Variants in TNIK observed in about 807,000 individuals in gnomAD.
The protein encoded by TNIK is TRAF2 and NCK-interacting protein kinase.
TNIK carries 49 observed loss-of-function variants against 191.3 expected under a neutral mutation model. The observed-to-expected ratio is 0.26, with a 90% CI of 0.20 to 0.32. The LOEUF (loss-of-function observed/expected upper bound fraction) is 0.32, where lower values mean the gene tolerates loss of function less well. TNIK is among the 10% of genes least tolerant of loss of function. TNIK has a pLI of 1.00. For missense variants in TNIK, 1,155 were observed against 1,702.3 expected (o/e 0.68, Z 5.66); for synonymous variants, 594 against 600.9 (o/e 0.99, Z 0.17).
At chr3:171,166,922 T>A (rs1734691304) in intron 10 of TNIK, among the ~76,000 whole-genome samples, 173 bp downstream of exon 10, 2 of 152,194 alleles carry the variant, frequency 1.3e-5, no homozygotes, top group South Asian at 4.1e-4. Context: ...AGATTCTACT[T>A]CAATAGTCTC....
At chr3:171,441,639 G>A (rs6801883) in intron 1 of TNIK, among the ~76,000 whole-genome samples, 59,083 of 152,048 alleles carry the variant, frequency 0.39, 12,501 homozygotes, top group East Asian at 0.9. Flanking sequence ...TTTCTGTGTG[G>A]ACCTATGTTT....
intron 6 of TNIK, among the ~76,000 whole-genome samples, chr3:171,190,344 G>GA (rs1324878889): frequency 6.6e-6 from 1 of 152,016 alleles, no homozygotes; most frequent in Non-Finnish European, 1.5e-5. Flanking sequence ...TATTTTAATG[G>GA]AAAAAAATTG....
At chr3:171,300,386 C>CAT (rs1265038333) in intron 2 of TNIK, among the ~76,000 whole-genome samples, 1 of 152,066 alleles carries the variant, frequency 6.6e-6, no homozygotes, top group Non-Finnish European at 1.5e-5. Flanking sequence ...ATCATCATGA[C>CAT]ATATCTTGAA....
At chr3:171,161,412 A>T in intron 10 of TNIK, 76 bp from the exon 11 acceptor site, 9 of 1,305,878 alleles carry the variant, frequency 6.9e-6, no homozygotes, top group Non-Finnish European at 9.6e-6. Context: ...TCTCTTATAT[A>T]TAAATAAATA....
intron 2 of TNIK, among the ~76,000 whole-genome samples, chr3:171,281,891 T>C (rs1047535966): frequency 7.9e-5 from 12 of 152,202 alleles, no homozygotes; most frequent in Non-Finnish European, 1.5e-4. Context: ...GCTGATGCCT[T>C]GAGTTAGCCT....
intron 18 of TNIK, among the ~76,000 whole-genome samples, chr3:171,113,356 A>G (rs1253767937): frequency 6.6e-6 from 1 of 152,190 alleles, no homozygotes; most frequent in East Asian, 1.9e-4. Flanking sequence ...CTGTAATCCC[A>G]TCACTTTGGG....
At chr3:171,357,646 T>C (rs1714309403) in intron 2 of TNIK, among the ~76,000 whole-genome samples, 1 of 151,006 alleles carries the variant, frequency 6.6e-6, no homozygotes, top group South Asian at 2.1e-4. Context: ...CAGTTTGGAA[T>C]AGGAGACAGC....
intron 2 of TNIK, among the ~76,000 whole-genome samples, chr3:171,338,086 C>T (rs978327615): frequency 1.1e-4 from 17 of 152,154 alleles, no homozygotes; most frequent in African/African-American, 2.9e-4. Context: ...ACCTATATTT[C>T]GGTAATTATA....
intron 15 of TNIK, among the ~76,000 whole-genome samples, chr3:171,135,103 T>C (rs948138184): frequency 1.3e-5 from 2 of 152,130 alleles, no homozygotes; most frequent in Admixed American, 1.3e-4. Flanking sequence ...AAAAAGAAAA[T>C]GGCATCCTTT....
chr3:171,312,200 T>A (rs1237064885), intron 2 of TNIK, among the ~76,000 whole-genome samples: 2 of 149,542 alleles, frequency 1.3e-5, no homozygotes. Context: ...TATAATAAGT[T>A]TAAAATATGG....
At chr3:171,219,938 C>T (rs1402167057) in intron 3 of TNIK, among the ~76,000 whole-genome samples, 1 of 152,146 alleles carries the variant, frequency 6.6e-6, no homozygotes, top group African/African-American at 2.4e-5. Flanking sequence ...AAGACACATG[C>T]ACATGTATGT....
chr3:171,388,037 CTAAT>C (rs1718967448), intron 1 of TNIK, among the ~76,000 whole-genome samples: 1 of 152,160 alleles, frequency 6.6e-6, no homozygotes, highest in South Asian at 2.1e-4. Flanking sequence ...TGCCAGTGAA[CTAAT>C]TGACTATTTA....
chr3:171,336,276 A>G (rs971593545), intron 2 of TNIK, among the ~76,000 whole-genome samples: 2 of 152,202 alleles, frequency 1.3e-5, no homozygotes, highest in East Asian at 1.9e-4. Context: ...CCATTTTCAC[A>G]CTAACTTAAG....
chr3:171,450,451 G>A (rs1024995051), intron 1 of TNIK, among the ~76,000 whole-genome samples: 8 of 152,202 alleles, frequency 5.3e-5, no homozygotes, highest in African/African-American at 1.9e-4. Context: ...TGGCAATCCA[G>A]TTGAGGGACG....
At chr3:171,351,515 T>G (rs1022086602) in intron 2 of TNIK, among the ~76,000 whole-genome samples, 3 of 152,180 alleles carry the variant, frequency 2.0e-5, no homozygotes, top group African/African-American at 7.2e-5. Flanking sequence ...AGGAAAAGAA[T>G]TCATTTATTC....
At chr3:171,141,738 G>A (rs1478910266) in intron 12 of TNIK, among the ~76,000 whole-genome samples, 1 of 152,214 alleles carries the variant, frequency 6.6e-6, no homozygotes, top group African/African-American at 2.4e-5. Context: ...TTTTGAGAGA[G>A]GCGGCTGGCC....
chr3:171,256,467 G>T (rs569122889), intron 2 of TNIK, among the ~76,000 whole-genome samples: 1 of 152,280 alleles, frequency 6.6e-6, no homozygotes, highest in East Asian at 1.9e-4. Context: ...GATGCCTGGG[G>T]AACTCTTTTC....
chr3:171,143,548 T>A (rs1731137919), intron 12 of TNIK, among the ~76,000 whole-genome samples: 1 of 152,210 alleles, frequency 6.6e-6, no homozygotes. Flanking sequence ...CACAGTATCC[T>A]CTTAAATTTC....
intron 12 of TNIK, among the ~76,000 whole-genome samples, chr3:171,152,609 C>T (rs138955577): frequency 6.6e-6 from 1 of 152,190 alleles, no homozygotes; most frequent in African/African-American, 2.4e-5. Context: ...CCAGGGCATG[C>T]AGGTAGTAGT....
Sources: gnomAD v4.1 joint callset for allele counts (sites outside exome capture counted in the v4.1 genomes callset) on GRCh38, gnomAD v4.1.1 for gene constraint, MANE v1.5 for transcripts, NCBI Gene and HGNC (gene_info 2026-07-23, HGNC 2026-07-21) for gene names.